C10orf143: variants seen among roughly 807,000 people sequenced by gnomAD.
The protein encoded by C10orf143 is uncharacterized protein C10orf143.
At chr10:130,103,636 G>A (rs114260366) in intron 1 of C10orf143, among the ~76,000 whole-genome samples, 5,722 of 151,502 alleles carry the variant, frequency 0.038, 291 homozygotes, top group African/African-American at 0.11. Context: ...GCAAGATCCC[G>A]TCTCTACAAA....
chr10:130,041,035 C>G (rs1860601480), intron 3 of C10orf143, among the ~76,000 whole-genome samples: 1 of 152,130 alleles, frequency 6.6e-6, no homozygotes, highest in Non-Finnish European at 1.5e-5. Context: ...GAGGCCCTGA[C>G]AGGTGGGTGG....
At chr10:130,045,857 CGTGGCTGTT>C (rs1180069173) in intron 3 of C10orf143, among the ~76,000 whole-genome samples, 1 of 152,168 alleles carries the variant, frequency 6.6e-6, no homozygotes, top group Non-Finnish European at 1.5e-5. Flanking sequence ...TGGCTCCGGT[CGTGGCTGTT>C]GTGGGGAATC....
rs151141738 is a variant in C10orf143 at position 130,105,740 on chromosome 10, C to A, written c.69+4964G>T. On this transcript the variant is annotated intron_variant, in intron 1 of 3. Coordinates refer to ENST00000637128, the MANE Select transcript of C10orf143 (RefSeq NM_001355042.2). ...AGTGAGACTCCGTTCCCCTCCCCCC[C>A]CAAACAAAACAAAACAAAACAAAAC... 7.9e-5 allele frequency among the ~76,000 whole-genome samples: 12 copies of A among 152,106 alleles called. No homozygotes were observed. In the East Asian group the frequency reaches 9.7e-4, roughly 12 times the overall value.
chr10:130,074,460 C>T (rs1347321513), intron 3 of C10orf143, among the ~76,000 whole-genome samples: 1 of 152,188 alleles, frequency 6.6e-6, no homozygotes, highest in Non-Finnish European at 1.5e-5. Flanking sequence ...TCAGCTGTGG[C>T]CGAGACAGGA....
chr10:130,072,157 A>T (rs1038656237), intron 3 of C10orf143, among the ~76,000 whole-genome samples: 5 of 152,204 alleles, frequency 3.3e-5, no homozygotes, highest in Non-Finnish European at 2.9e-5. Context: ...TAAAGATCTC[A>T]ATTTTATTTC....
At chr10:130,100,945 T>A (rs978042343) in intron 1 of C10orf143, 2 of 152,132 alleles carry the variant, frequency 1.3e-5, no homozygotes, top group African/African-American at 4.8e-5. Context: ...AGGCCGGGCA[T>A]GGTGGCTTAC....
intron 3 of C10orf143, among the ~76,000 whole-genome samples, chr10:130,037,172 T>C (rs1240316574): frequency 1.3e-5 from 2 of 152,208 alleles, no homozygotes; most frequent in Non-Finnish European, 2.9e-5. Context: ...GACAGGGCGA[T>C]GCCCTCTGCC....
intron 1 of C10orf143, among the ~76,000 whole-genome samples, chr10:130,105,334 CCATTT>C (rs1861623121): frequency 1.3e-5 from 2 of 152,200 alleles, no homozygotes; most frequent in South Asian, 4.1e-4. Flanking sequence ...CCTAGTTCTA[CCATTT>C]ACTAGCTGTG....
chr10:130,103,354 C>A (rs1486005266), intron 1 of C10orf143, among the ~76,000 whole-genome samples: 1 of 152,104 alleles, frequency 6.6e-6, no homozygotes, highest in African/African-American at 2.4e-5. Flanking sequence ...GAAAAATTAG[C>A]TGGCACACTC....
At chr10:130,049,661 T>G (rs1860715108) in intron 3 of C10orf143, among the ~76,000 whole-genome samples, 1 of 152,198 alleles carries the variant, frequency 6.6e-6, no homozygotes, top group Non-Finnish European at 1.5e-5. Context: ...TGTGGCCAAC[T>G]CACGCTGACT....
intron 3 of C10orf143, among the ~76,000 whole-genome samples, chr10:130,076,708 T>C (rs1394833662): frequency 6.6e-6 from 1 of 152,228 alleles, no homozygotes; most frequent in East Asian, 1.9e-4. Flanking sequence ...TAAGGTTTCA[T>C]TTAATTGCTC....
In C10orf143 at chr10:130,095,807, G is replaced by A. The variant is rs561035669; in HGVS notation, c.69+14897C>T. The stretch of plus-strand genomic sequence containing the variant: ...AAAAATTAACTCAAGATGGATTAAA[G>A]ACTTAAACATAGGACCTAAAATCAT... On this transcript the variant is annotated intron_variant, in intron 1 of 3. Coordinates refer to ENST00000637128, the MANE Select transcript of C10orf143 (RefSeq NM_001355042.2). Among the ~76,000 whole-genome samples the A allele has an allele frequency of 5.3e-5, 8 of 152,290 alleles. 1 individual carries two copies. The East Asian group carries it at 1.5e-3, about 29-fold the overall frequency.
intron 1 of C10orf143, among the ~76,000 whole-genome samples, chr10:130,095,688 G>A (rs1861451183): frequency 6.6e-6 from 1 of 151,312 alleles, no homozygotes; most frequent in African/African-American, 2.4e-5. Context: ...ACAAACAATG[G>A]GGAAAGGACT....
At chr10:130,095,468 A>C (rs913558402) in intron 1 of C10orf143, among the ~76,000 whole-genome samples, 5 of 152,256 alleles carry the variant, frequency 3.3e-5, no homozygotes, top group African/African-American at 1.2e-4. Flanking sequence ...GAACCAAAAA[A>C]GAGCCCGCAT....
intron 3 of C10orf143, among the ~76,000 whole-genome samples, chr10:130,052,404 A>T (rs921658851): frequency 1.3e-5 from 2 of 152,058 alleles, no homozygotes; most frequent in Non-Finnish European, 1.5e-5. Context: ...TGGAGAAGGT[A>T]GCCATGGGAG....
downstream of C10orf143, among the ~76,000 whole-genome samples, chr10:130,059,312 G>T (rs994608510): frequency 1.3e-5 from 2 of 152,060 alleles, no homozygotes; most frequent in African/African-American, 2.4e-5. Context: ...TGTGGCAAAT[G>T]ATATATAAAT....
chr10:130,105,973 G>A lies in C10orf143; in HGVS notation c.69+4731C>T, dbSNP rs924779196. On this transcript the variant is annotated intron_variant, in intron 1 of 3. Transcript: ENST00000637128. ...CCGGGTGCGGATTCGGGTTCCGGAC[G>A]CAAGGCTGCGAGTTCTCCGCTGCTT... is the stretch of plus-strand genomic sequence containing the variant. 1.8e-5 allele frequency: 7 copies of A among 399,252 alleles called. No homozygotes were observed. In the Admixed American group the frequency reaches 2.1e-4, roughly 12 times the overall value. 24.7% of individuals were successfully genotyped at this position (399,252 alleles called of 1,614,324 possible).
chr10:130,063,431 C>T (rs540456253), downstream of C10orf143, among the ~76,000 whole-genome samples: 4 of 152,328 alleles, frequency 2.6e-5, no homozygotes, highest in South Asian at 2.1e-4. Context: ...TTGTTTGGCA[C>T]GAACTGGCAT....
intron 1 of C10orf143, among the ~76,000 whole-genome samples, chr10:130,080,880 G>A (rs1861196299): frequency 1.3e-5 from 2 of 152,190 alleles, no homozygotes; most frequent in African/African-American, 2.4e-5. Context: ...GGAAAAGGAA[G>A]AGAGGAGAAT....
Sources: gnomAD v4.1 joint callset for allele counts (sites outside exome capture counted in the v4.1 genomes callset) on GRCh38, gnomAD v4.1.1 for gene constraint, MANE v1.5 for transcripts, NCBI Gene and HGNC (gene_info 2026-07-23, HGNC 2026-07-21) for gene names.